RGS22: variants seen among roughly 807,000 people sequenced by gnomAD.
The protein encoded by RGS22 is regulator of G-protein signaling 22.
In RGS22, 148 loss-of-function variants were observed where a neutral mutation model predicts 172.9. The observed-to-expected ratio is 0.86, with a 90% CI of 0.75 to 0.98. The LOEUF (loss-of-function observed/expected upper bound fraction) is 0.98. Ranked by LOEUF, RGS22 falls within the 50% of genes least tolerant of loss-of-function variation. The pLI is 0.00. For synonymous variants in RGS22, 458 were observed against 480.2 expected (o/e 0.95, Z 0.60); for missense variants, 1,347 against 1,440.8 (o/e 0.93, Z 1.05).
chr8:100,069,903 C>G (rs1424921395), intron 6 of RGS22, among the ~76,000 whole-genome samples: 1 of 151,704 alleles, frequency 6.6e-6, no homozygotes, highest in Admixed American at 6.6e-5. Flanking sequence ...TGGCACGTGC[C>G]TGTAATCCCA....
intron 9 of RGS22, 61 bp downstream of exon 9, chr8:100,062,530 A>T: frequency 8.9e-7 from 1 of 1,129,154 alleles, no homozygotes; most frequent in South Asian, 1.4e-5. Flanking sequence ...AGACAAAAAA[A>T]GTATAACTCA....
intron 20 of RGS22, among the ~76,000 whole-genome samples, chr8:99,995,441 A>G (rs28792460): frequency 0.21 from 32,704 of 152,114 alleles, 3,886 homozygotes; most frequent in African/African-American, 0.31. Context: ...CCCCATCAAA[A>G]AGTGGGCGAA....
At chr8:99,985,332 A>C (rs1202764377) in intron 21 of RGS22, among the ~76,000 whole-genome samples, 2 of 152,232 alleles carry the variant, frequency 1.3e-5, no homozygotes, top group Non-Finnish European at 2.9e-5. Context: ...AATAAGAGTA[A>C]GCCCTATAAG....
At chr8:100,001,603 G>A (rs577775329) in intron 18 of RGS22, among the ~76,000 whole-genome samples, 1 of 152,210 alleles carries the variant, frequency 6.6e-6, no homozygotes, top group South Asian at 2.1e-4. Flanking sequence ...TGTGATTAAG[G>A]CCATAGGACT....
chr8:100,004,192 G>A (rs1322173935), intron 16 of RGS22, 94 bp from the exon 17 acceptor site: 22 of 1,389,780 alleles, frequency 1.6e-5, no homozygotes, highest in Non-Finnish European at 2.1e-5. Context: ...TCAACCATTA[G>A]GCCAAAGCCA....
At chr8:100,093,589 C>G in intron 2 of RGS22, 80 bp from the exon 3 acceptor site, 1 of 928,718 alleles carries the variant, frequency 1.1e-6, no homozygotes, top group Non-Finnish European at 1.7e-6. Flanking sequence ...ATTTCTGCTA[C>G]GAATTTATTA....
intron 6 of RGS22, among the ~76,000 whole-genome samples, chr8:100,069,251 T>C (rs971229750): frequency 2.0e-5 from 3 of 152,208 alleles, no homozygotes; most frequent in Admixed American, 2.0e-4. Context: ...TCCAGAATGC[T>C]GTGTTGTAAA....
chr8:99,998,177 C>A (rs1243147700), intron 19 of RGS22, among the ~76,000 whole-genome samples: 1 of 151,996 alleles, frequency 6.6e-6, no homozygotes. Context: ...TAACCTTGTC[C>A]ACTTGTGTGA....
chr8:100,051,461 TATAA>T (rs1364761702), intron 10 of RGS22, among the ~76,000 whole-genome samples: 2 of 112,436 alleles, frequency 1.8e-5, no homozygotes, highest in Non-Finnish European at 3.4e-5. Context: ...TTATATTATA[TATAA>T]ATATATATTA....
At chr8:99,989,301 G>A (rs903436495) in intron 20 of RGS22, among the ~76,000 whole-genome samples, 3 of 152,100 alleles carry the variant, frequency 2.0e-5, no homozygotes, top group Non-Finnish European at 2.9e-5. Flanking sequence ...GGAAGACTAC[G>A]TTTATCATGC....
intron 3 of RGS22, among the ~76,000 whole-genome samples, chr8:100,091,597 A>T (rs935480628): frequency 2.0e-5 from 3 of 152,212 alleles, no homozygotes; most frequent in Non-Finnish European, 4.4e-5. Context: ...AGATTTTTTT[A>T]AAAGAAAGTT....
chr8:100,094,327 A>G (rs1303454519), intron 2 of RGS22, among the ~76,000 whole-genome samples: 1 of 146,360 alleles, frequency 6.8e-6, no homozygotes, highest in Non-Finnish European at 1.5e-5. Context: ...CTAACATGAA[A>G]GTTCACAATA....
chr8:100,057,531 C>T lies in RGS22; in HGVS notation c.1515-4555G>A, dbSNP rs139626552. ...GGAACCCAGTGGGAGGTAATGGAAT[C>T]GTGTGGGTGGGTCTTTCCCATGCTG... On this transcript the variant is annotated intron_variant, in intron 9 of 27. Transcript: ENST00000360863. 5.3e-3 allele frequency among the ~76,000 whole-genome samples: 813 copies of T among 152,208 alleles called. 6 individuals are homozygous for T. Among genetic ancestry groups the T allele is most frequent in the African/African-American group, 0.018 (746 of 41,518 alleles).
intron 14 of RGS22, among the ~76,000 whole-genome samples, chr8:100,018,462 G>A (rs1036473592): frequency 1.3e-5 from 2 of 151,938 alleles, no homozygotes; most frequent in Non-Finnish European, 2.9e-5. Context: ...GAGGGTAGGG[G>A]AAGAAAATCT....
chr8:99,974,369 T>A (rs1811694777), intron 23 of RGS22, among the ~76,000 whole-genome samples: 1 of 152,160 alleles, frequency 6.6e-6, no homozygotes, highest in Non-Finnish European at 1.5e-5. Flanking sequence ...AAATGTTTGG[T>A]TAAATAACCC....
At chr8:99,979,248 A>C (rs900028046) in intron 22 of RGS22, among the ~76,000 whole-genome samples, 1 of 152,308 alleles carries the variant, frequency 6.6e-6, no homozygotes, top group East Asian at 1.9e-4. Flanking sequence ...CTTCTCAGTT[A>C]TCTTTCTAAA....
chr8:99,999,227 C>T (rs769116469), intron 19 of RGS22, 35 bp downstream of exon 19: 2 of 1,583,456 alleles, frequency 1.3e-6, no homozygotes, highest in Non-Finnish European at 1.7e-6. Flanking sequence ...GAGGTACTGA[C>T]AACTGCTATC....
intron 22 of RGS22, among the ~76,000 whole-genome samples, chr8:99,981,550 A>C (rs1390797485): frequency 6.6e-6 from 1 of 152,142 alleles, no homozygotes; most frequent in African/African-American, 2.4e-5. Context: ...ATGATCACGA[A>C]AAAAACTGCA....
chr8:100,002,447 G>T (rs1815198943), intron 17 of RGS22, 83 bp from the exon 18 acceptor site: 10 of 1,378,700 alleles, frequency 7.3e-6, no homozygotes, highest in Non-Finnish European at 8.8e-6. Context: ...TGTTTTGACA[G>T]AACTTAGAAA....
Sources: allele counts gnomAD v4.1 joint callset (sites outside exome capture counted in the v4.1 genomes callset), GRCh38; gene constraint gnomAD v4.1.1; transcripts MANE v1.5; gene names NCBI Gene and HGNC (gene_info 2026-07-23, HGNC 2026-07-21).